TARS1: variants seen among roughly 807,000 people sequenced by gnomAD.
The protein encoded by TARS1 is threonyl-tRNA synthetase 1, also known as threonine--tRNA ligase 1, cytoplasmic.
A neutral mutation model predicts 97.7 loss-of-function variants in TARS1; 57 were observed. The observed-to-expected ratio is 0.58, with a 90% CI of 0.47 to 0.73. The LOEUF is 0.73. Among genes scored for constraint, TARS1 ranks in the 30% least tolerant of loss-of-function variants. TARS1 has a pLI of 0.00. For synonymous variants in TARS1, 312 were observed against 293.7 expected (o/e 1.06, Z -0.64); for missense variants, 806 against 888.3 (o/e 0.91, Z 1.18).
Position 33,461,916 on chromosome 5 carries a change from A to G in TARS1, c.1640A>G (p.Gln547Arg), listed in dbSNP as rs144046461. ...GTCTTTGCTTCTTAGATTGACATAC[A>G]GATTAAAGATGCGATTGGGCGGTAC... ...GAFYGPKIDIQIKDAIGRYHQ... is the reference protein window; with the variant it reads ...GAFYGPKIDIRIKDAIGRYHQ... The change falls in exon 15 of 19, where the codon CAG (glutamine) becomes CGG (arginine). Residue 547 changes from glutamine to arginine, a missense_variant. By Grantham distance (43) the Gln-to-Arg change is conservative. This residue lies in a region of TARS1 where 446 missense variants were observed against 511.0 expected (regional missense o/e 0.87). Coordinates refer to ENST00000265112, the MANE Select transcript of TARS1 (RefSeq NM_152295.5). 1 of 1,613,416 alleles carries G rather than the reference A, an allele frequency of 6.2e-7. No individual in the cohort carries two copies. Among genetic ancestry groups the G allele is most frequent in the East Asian group, 2.2e-5 (1 of 44,848 alleles).
chr5:33,443,304 TCC>T (rs1491324883), intron 1 of TARS1, among the ~76,000 whole-genome samples: 1,443 of 134,144 alleles, frequency 0.011, 41 homozygotes, highest in East Asian at 0.076. Flanking sequence ...TTGTGGTGAT[TCC>T]CTCTCTCTCT....
intron 3 of TARS1, 91 bp from the exon 4 acceptor site, chr5:33,453,198 T>C (rs1181103370): frequency 3.1e-6 from 4 of 1,310,380 alleles, no homozygotes; most frequent in Non-Finnish European, 3.9e-6. Context: ...AAACAATATA[T>C]AATAAAAATA....
chr5:33,449,918 AT>A (rs1741644956), intron 3 of TARS1, among the ~76,000 whole-genome samples: 1 of 151,638 alleles, frequency 6.6e-6, no homozygotes, highest in Non-Finnish European at 1.5e-5. Context: ...ATATGTGAAT[AT>A]GTATGTATTC....
Position 33,461,236 on chromosome 5 carries a change from C to G in TARS1, c.1492C>G (p.Leu498Val), listed in dbSNP as rs1477975002. ...ATTTGGATTTTCTTTTAAACTAAAC[C>G]TTTCTACTCGCCCGGAAAAATTCCT... ...SVFGFSFKLN[L>V]STRPEKFLGD... is the part of the protein sequence containing the mutation. Residue 498 changes from leucine (L) to valine (V), a missense_variant, in exon 13 of 19, where the codon CTT (leucine) becomes GTT (valine). This residue lies in a region of TARS1 where 446 missense variants were observed against 511.0 expected (regional missense o/e 0.87). Transcript: ENST00000265112. 8.7e-6 allele frequency: 14 copies of G among 1,613,814 alleles called. No individual in the cohort carries two copies. The Admixed American group carries it at 2.3e-4, about 27-fold the overall frequency.
At chr5:33,446,791 G>T (rs951055611) in intron 2 of TARS1, 3 of 1,258,368 alleles carry the variant, frequency 2.4e-6, no homozygotes, top group Non-Finnish European at 2.1e-6. Context: ...TGATGCTTTA[G>T]AGTGGATGGA....
chr5:33,465,331 G>T (rs922817848), intron 17 of TARS1, among the ~76,000 whole-genome samples: 3 of 152,156 alleles, frequency 2.0e-5, no homozygotes, highest in Non-Finnish European at 4.4e-5. Flanking sequence ...CCCTTTGCGG[G>T]TAGGTGGCAT....
chr5:33,457,317 A>G lies in TARS1; in HGVS notation c.898A>G (p.Ile300Val), dbSNP rs1281662897. The stretch of plus-strand genomic sequence containing the variant: ...GGAGACTCTCCAGAGAATTTATGGC[A>G]TTTCATTCCCAGATCCTAAAATGTT... The part of the protein sequence containing the change: ...DMETLQRIYG[I>V]SFPDPKMLKE... Residue 300 changes from isoleucine (I) to valine (V), a missense_variant, in exon 9 of 19, where the codon ATT (isoleucine) becomes GTT (valine). Ile to Val is a conservative substitution (Grantham distance 29). This residue lies in a region of TARS1 where 4 missense variants were observed against 19.5 expected (regional missense o/e 0.20). Transcript: ENST00000265112. 2 of 1,614,168 alleles carry G rather than the reference A, an allele frequency of 1.2e-6. No individual in the cohort carries two copies. Among genetic ancestry groups the G allele is most frequent in the South Asian group, 1.1e-5 (1 of 91,086 alleles).
At chr5:33,445,816 A>G (rs1741383625) in intron 2 of TARS1, among the ~76,000 whole-genome samples, 1 of 151,824 alleles carries the variant, frequency 6.6e-6, no homozygotes, top group Non-Finnish European at 1.5e-5. Context: ...CAGTTTTTTG[A>G]CCCCCTCCTT....
intron 3 of TARS1, chr5:33,452,205 A>G: frequency 1.5e-6 from 1 of 686,000 alleles, no homozygotes; most frequent in South Asian, 1.8e-5. Flanking sequence ...TTTACAGTGT[A>G]AAGGGTGTAT....
rs1157410682 is a variant in TARS1, at chr5:33,462,140, G to A, written c.1772G>A (p.Arg591Gln). Residue 591 changes from arginine (R) to glutamine (Q), a missense_variant, in exon 16 of 19, where the codon CGA (arginine) becomes CAA (glutamine). This residue lies in a region of TARS1 where 446 missense variants were observed against 511.0 expected (regional missense o/e 0.87). Coordinates refer to ENST00000265112, the MANE Select transcript of TARS1 (RefSeq NM_152295.5). ...DDKKRPVIVH[R>Q]AILGSVERMI... ...AAGAAAAGGCCAGTGATTGTTCATC[G>A]AGCCATCTTGGGATCAGTGGAAAGA... is the stretch of plus-strand genomic sequence containing the variant. 5 of 1,612,952 alleles carry A rather than the reference G, an allele frequency of 3.1e-6. No homozygotes were observed. Among genetic ancestry groups the A allele is most frequent in the Admixed American group, 3.3e-5 (2 of 59,990 alleles).
At chr5:33,465,402 G>C (rs1261386455) in intron 17 of TARS1, among the ~76,000 whole-genome samples, 1 of 152,180 alleles carries the variant, frequency 6.6e-6, no homozygotes, top group Non-Finnish European at 1.5e-5. Context: ...CAGTACTCCT[G>C]ATACCTAATA....
Position 33,466,869 on chromosome 5 carries a change from A to G in TARS1, c.1909-2A>G, listed in dbSNP as rs1158186718. On this transcript the variant is annotated splice_acceptor_variant, in intron 17 of 18. Coordinates refer to ENST00000265112, the MANE Select transcript of TARS1 (RefSeq NM_152295.5). LOFTEE classifies it high-confidence loss of function. ...ACAAATTCTGTATCTCTGTTACAAT[A>G]GGTACGACAACAATTCCACGATGCC... The G allele has an allele frequency of 6.3e-7, 1 of 1,587,810 alleles. No individual in the cohort carries two copies. The highest frequency in any genetic ancestry group is 1.8e-5 in the Admixed American group (1 of 56,328).
chr5:33,443,337 C>G (rs1360516834), intron 1 of TARS1, among the ~76,000 whole-genome samples: 3 of 140,082 alleles, frequency 2.1e-5, no homozygotes, highest in Non-Finnish European at 3.0e-5. Context: ...CTCTCTCTCT[C>G]TCTCTCTCTC....
rs59141272 is a variant in TARS1 at position 33,449,358 on chromosome 5, T to TATATATATATAG, written c.329+627_329+628insATATATATATAG. 3.3e-3 allele frequency among the ~76,000 whole-genome samples: 485 copies of TATATATATATAG among 146,448 alleles called. 2 individuals are homozygous for TATATATATATAG. Among genetic ancestry groups the TATATATATATAG allele is most frequent in the African/African-American group, 0.011 (445 of 38,838 alleles). Reference sequence around the variant, plus strand: ...ATATATACACGTGTATATATATATATCTTAAACTGGGTATTGGGAAACTCT... The same window carrying TATATATATATAG: ...ATATATACACGTGTATATATATATATATATATATATAGCTTAAACTGGGTATTGGGAAACTCT... On this transcript the variant is annotated intron_variant, in intron 3 of 18. Coordinates refer to ENST00000265112, the MANE Select transcript of TARS1 (RefSeq NM_152295.5).
In TARS1 at chr5:33,448,747, A is replaced by G. The variant is rs1579577631; in HGVS notation, c.329+16A>G. ...GTGGAATTAGGTATAAGCTACACCC[A>G]TCATGACCTTCCATAGTTTGTGGTC... On this transcript the variant is annotated intron_variant, in intron 3 of 18. Coordinates refer to ENST00000265112, the MANE Select transcript of TARS1 (RefSeq NM_152295.5). 2 of 1,554,386 alleles carry G rather than the reference A, an allele frequency of 1.3e-6. No homozygotes were observed. Among genetic ancestry groups the G allele is most frequent in the Non-Finnish European group, 1.7e-6 (2 of 1,148,558 alleles).
rs747030765 is a variant in TARS1 at position 33,467,602 on chromosome 5, G to A, written c.2066G>A (p.Arg689His). 5.0e-6 allele frequency: 8 copies of A among 1,613,386 alleles called. No homozygotes were observed. In the African/African-American group the frequency reaches 5.3e-5, roughly 11 times the overall value. ...KEKISGTVNI[R>H]TRDNKVHGER... ...AAAATCAGTGGCACTGTTAATATCC[G>A]CACAAGAGACAATAAGGTCCACGGG... The change falls in exon 19 of 19, where the codon CGC becomes CAC. Residue 689 changes from arginine (R) to histidine (H), a missense_variant. By Grantham distance (29) the Arg-to-His change is conservative. Around this residue, in one of 3 missense-constraint regions of TARS1, gnomAD observed 446 missense variants for 511.0 expected, o/e 0.87. Coordinates refer to ENST00000265112, the MANE Select transcript of TARS1 (RefSeq NM_152295.5).
At chr5:33,467,060 G>A (rs538400659) in intron 18 of TARS1, 75 bp downstream of exon 18, 2 of 767,730 alleles carry the variant, frequency 2.6e-6, no homozygotes, top group East Asian at 3.2e-5. Flanking sequence ...ACAGGTTTAA[G>A]TGAATTGTAA....
Position 33,459,832 on chromosome 5 carries a change from C to G in TARS1, c.1221C>G (p.Ala407=). Residue 407 remains alanine (A), a synonymous_variant, in exon 11 of 19, where the codon GCC becomes GCG. Coordinates refer to ENST00000265112, the MANE Select transcript of TARS1 (RefSeq NM_152295.5). ...TTGAGGTGGAGAAGGAGCTGTTTGCCCTGAAACCCATGAACTGCCCAGGAC... is the reference window on the plus strand; with the variant it reads ...TTGAGGTGGAGAAGGAGCTGTTTGCGCTGAAACCCATGAACTGCCCAGGAC... The part of the protein sequence containing the change: ...FSFEVEKELF[A]LKPMNCPGHC... 6.2e-7 allele frequency: 1 copy of G among 1,614,106 alleles called. No homozygotes were observed. Among genetic ancestry groups the G allele is most frequent in the Non-Finnish European group, 8.5e-7 (1 of 1,180,006 alleles).
chr5:33,464,307 T>A (rs935904486), intron 17 of TARS1, among the ~76,000 whole-genome samples: 4 of 152,194 alleles, frequency 2.6e-5, no homozygotes, highest in Non-Finnish European at 1.5e-5. Context: ...CCGTTCAAAA[T>A]ACAGTTTAGG....
Sources: allele counts gnomAD v4.1 joint callset (sites outside exome capture counted in the v4.1 genomes callset), GRCh38; gene constraint gnomAD v4.1.1; regional missense constraint gnomAD v4.1.1; transcripts MANE v1.5; gene names NCBI Gene and HGNC (gene_info 2026-07-23, HGNC 2026-07-21).